Variants in PCDHA3 observed in about 807,000 individuals in gnomAD.
PCDHA3 encodes the protein protocadherin alpha-3.
Under a neutral mutation model 62.2 loss-of-function variants are expected in PCDHA3, and 41 were observed. That is an observed-to-expected ratio of 0.66 (90% CI 0.51 to 0.86). The LOEUF is 0.86. PCDHA3 is among the 40% of genes least tolerant of loss of function. The pLI is 0.00. For synonymous variants in PCDHA3, 640 were observed against 555.4 expected (o/e 1.15, Z -2.14); for missense variants, 1,304 against 1,241.2 (o/e 1.05, Z -0.76).
At chr5:140,976,718 C>A (rs2096728735) in intron 1 of PCDHA3, among the ~76,000 whole-genome samples, 1 of 152,096 alleles carries the variant, frequency 6.6e-6, no homozygotes, top group South Asian at 2.1e-4. Context: ...CATTATAGTT[C>A]ATTTATTTAA....
rs1554132920 is a variant in PCDHA3 at position 140,830,554 on chromosome 5, C to A, written c.2394+26963C>A. The A allele has an allele frequency of 4.7e-6, 5 of 1,064,408 alleles. No individual in the cohort carries two copies. In the African/African-American group the frequency reaches 8.2e-5, roughly 18 times the overall value. 65.9% of individuals were successfully genotyped at this position (1,064,408 alleles called of 1,614,324 possible). A position where few individuals can be genotyped will look rare whatever the true frequency, so the allele number is the denominator to read the frequency against. ...TTATAATTGTTTTCCTCATATTTGT[C>A]TTCTATATTTCTGTTTTTAATTTTT... On this transcript the variant is annotated intron_variant, in intron 1 of 3. Coordinates refer to ENST00000522353, the MANE Select transcript of PCDHA3 (RefSeq NM_018906.3).
Position 140,876,962 on chromosome 5 carries a change from G to T in PCDHA3, c.2394+73371G>T, listed in dbSNP as rs375871457. 15 of 1,612,908 alleles carry T rather than the reference G, an allele frequency of 9.3e-6. No homozygotes were observed. The African/African-American group carries it at 1.6e-4, about 17-fold the overall frequency. ...CTGGTGTCCTACTCGCTGGTGGAGCGGCGGGTGGGCGAGCACGCACTGTCG... is the reference window on the plus strand; with the variant it reads ...CTGGTGTCCTACTCGCTGGTGGAGCTGCGGGTGGGCGAGCACGCACTGTCG... On this transcript the variant is annotated intron_variant, in intron 1 of 3. Coordinates refer to ENST00000522353, the MANE Select transcript of PCDHA3 (RefSeq NM_018906.3).
intron 1 of PCDHA3, among the ~76,000 whole-genome samples, chr5:140,959,379 A>T (rs2095484732): frequency 6.6e-6 from 1 of 152,176 alleles, no homozygotes; most frequent in Admixed American, 6.5e-5. Context: ...GTCTCAAAAA[A>T]AAAAGTCACA....
At chr5:141,008,410 A>G (rs782459591) in intron 3 of PCDHA3, among the ~76,000 whole-genome samples, 33 of 152,184 alleles carry the variant, frequency 2.2e-4, no homozygotes, top group Non-Finnish European at 3.7e-4. Context: ...TTCCAATGTC[A>G]TGGCCACTGG....
chr5:140,985,128 G>C (rs908196925), intron 3 of PCDHA3, among the ~76,000 whole-genome samples: 1 of 152,056 alleles, frequency 6.6e-6, no homozygotes, highest in African/African-American at 2.4e-5. Context: ...TAGTAAAGAC[G>C]GGGTTTCACC....
At chr5:140,892,550 A>G (rs1337911954) in intron 1 of PCDHA3, among the ~76,000 whole-genome samples, 1 of 152,202 alleles carries the variant, frequency 6.6e-6, no homozygotes, top group East Asian at 1.9e-4. Context: ...TTGTTTCTCT[A>G]GTCCTTGGAG....
chr5:140,871,103 C>T lies in PCDHA3; in HGVS notation c.2394+67512C>T, dbSNP rs202137231. On this transcript the variant is annotated intron_variant, in intron 1 of 3. Coordinates refer to ENST00000522353, the MANE Select transcript of PCDHA3 (RefSeq NM_018906.3). Reference sequence around the variant, plus strand: ...ACGGCCACGGCCACCGTGCTGGTGTCGTTGGTGGAGAGCGGACAGGCGCCA... The same window carrying T: ...ACGGCCACGGCCACCGTGCTGGTGTTGTTGGTGGAGAGCGGACAGGCGCCA... 4 of 1,613,290 alleles carry T rather than the reference C, an allele frequency of 2.5e-6. No individual in the cohort carries two copies. The Admixed American group carries it at 5.0e-5, about 20-fold the overall frequency.
intron 1 of PCDHA3, among the ~76,000 whole-genome samples, chr5:140,908,850 C>T (rs1234928966): frequency 6.6e-6 from 1 of 152,160 alleles, no homozygotes; most frequent in Non-Finnish European, 1.5e-5. Flanking sequence ...GTAACATACC[C>T]AAATGAGGAA....
rs2150320431 is a variant in PCDHA3 at position 140,841,664 on chromosome 5, C to A, written c.2394+38073C>A. ...GGAGGTGATCGTGGACAGGCCGCTGCAGGTTTTCCATGTGGACGTGGAGGT... is the reference window on the plus strand; with the variant it reads ...GGAGGTGATCGTGGACAGGCCGCTGAAGGTTTTCCATGTGGACGTGGAGGT... On this transcript the variant is annotated intron_variant, in intron 1 of 3. Coordinates refer to ENST00000522353, the MANE Select transcript of PCDHA3 (RefSeq NM_018906.3). 3 of 1,613,958 alleles carry A rather than the reference C, an allele frequency of 1.9e-6. No homozygotes were observed. In the African/African-American group the frequency reaches 4.0e-5, roughly 22 times the overall value.
Position 141,009,792 on chromosome 5 carries a change from C to G in PCDHA3, c.2708C>G (p.Pro903Arg), listed in dbSNP as rs1359138927. ...SPAIISIRQEPTNSQIDKSDF... is the reference protein window; with the variant it reads ...SPAIISIRQERTNSQIDKSDF... ...GCAATCATCTCCATCCGGCAGGAGC[C>G]TACTAACAGCCAAATTGACAAAAGT... The change falls in exon 4 of 4, where the codon CCT (proline) becomes CGT (arginine). Residue 903 changes from proline (P) to arginine (R), a missense_variant. Physicochemically the swap from Pro to Arg is moderately radical, Grantham distance 103. Coordinates refer to ENST00000522353, the MANE Select transcript of PCDHA3 (RefSeq NM_018906.3). The G allele has an allele frequency of 4.3e-6, 7 of 1,613,950 alleles. 1 individual carries two copies. Among genetic ancestry groups the G allele is most frequent in the Middle Eastern group, 3.3e-4 (2 of 6,084 alleles).
intron 1 of PCDHA3, among the ~76,000 whole-genome samples, chr5:140,920,592 T>C (rs1226483981): frequency 6.6e-6 from 1 of 152,158 alleles, no homozygotes; most frequent in Non-Finnish European, 1.5e-5. Flanking sequence ...ACGCCTGTAA[T>C]CCCAGCACTT....
intron 3 of PCDHA3, among the ~76,000 whole-genome samples, chr5:141,007,768 A>C (rs1457934171): frequency 2.0e-5 from 3 of 152,212 alleles, no homozygotes; most frequent in Non-Finnish European, 2.9e-5. Context: ...ATTGGCCTGG[A>C]AATGGTACTG....
chr5:140,860,216 T>G (rs1554153148), intron 1 of PCDHA3: 1 of 150,178 alleles, frequency 6.7e-6, no homozygotes, highest in Admixed American at 6.6e-5. Context: ...TATGTACTTA[T>G]GTATATATAA....
rs782212784 is a variant in PCDHA3 at position 140,883,583 on chromosome 5, G to A, written c.2394+79992G>A. ...GGGCTCGCCTTCGCTGTGGGCCACGGCCAGCGTGTCGGTGGGGGTGGCCGA... is the reference window on the plus strand; with the variant it reads ...GGGCTCGCCTTCGCTGTGGGCCACGACCAGCGTGTCGGTGGGGGTGGCCGA... On this transcript the variant is annotated intron_variant, in intron 1 of 3. Coordinates refer to ENST00000522353, the MANE Select transcript of PCDHA3 (RefSeq NM_018906.3). The A allele has an allele frequency of 1.9e-5, 31 of 1,613,916 alleles. No individual in the cohort carries two copies. The African/African-American group carries it at 3.7e-4, about 19-fold the overall frequency.
At chr5:140,822,525 G>A in intron 1 of PCDHA3, 4 of 1,613,928 alleles carry the variant, frequency 2.5e-6, no homozygotes, top group Non-Finnish European at 3.4e-6. Flanking sequence ...ATGTCAGATT[G>A]TTGGAAAATG....
intron 1 of PCDHA3, among the ~76,000 whole-genome samples, chr5:140,946,635 A>G (rs2094003182): frequency 1.6e-5 from 1 of 62,812 alleles, no homozygotes; most frequent in Admixed American, 1.5e-4. Flanking sequence ...TATATATACA[A>G]TGGAATACTC....
chr5:140,863,773 C>T (rs1170536480), intron 1 of PCDHA3: 19 of 234,462 alleles, frequency 8.1e-5, no homozygotes, highest in African/African-American at 3.6e-4. Context: ...CCGAGGCGGG[C>T]GGATCACTCG....
chr5:140,848,205 T>C (rs1781374439), intron 1 of PCDHA3: 1 of 336,638 alleles, frequency 3.0e-6, no homozygotes, highest in Non-Finnish European at 5.4e-6. Flanking sequence ...CAACAATCAT[T>C]ACTTAAGAAA....
At chr5:140,804,475 A>G (rs1763398266) in intron 1 of PCDHA3, 2 of 152,178 alleles carry the variant, frequency 1.3e-5, no homozygotes, top group South Asian at 2.1e-4. Flanking sequence ...TCTGAACAAT[A>G]TCTTGAAAAT....
Sources: allele counts gnomAD v4.1 joint callset (sites outside exome capture counted in the v4.1 genomes callset), GRCh38; gene constraint gnomAD v4.1.1; transcripts MANE v1.5; gene names NCBI Gene and HGNC (gene_info 2026-07-23, HGNC 2026-07-21).